Variants in FRMD4A observed in about 807,000 individuals in gnomAD.
FRMD4A encodes the protein FERM domain-containing protein 4A.
FRMD4A carries 29 observed loss-of-function variants against 129.1 expected under a neutral mutation model. That is an observed-to-expected ratio of 0.22 (90% confidence interval 0.17 to 0.31). The LOEUF (loss-of-function observed/expected upper bound fraction) is 0.31. Among genes scored for constraint, FRMD4A ranks in the 10% least tolerant of loss-of-function variants. FRMD4A has a pLI of 1.00. For synonymous variants in FRMD4A, 634 were observed against 571.6 expected (o/e 1.11, Z -1.56); for missense variants, 1,272 against 1,375.8 (o/e 0.92, Z 1.19).
At chr10:13,720,899 A>G (rs1186345955) in intron 12 of FRMD4A, among the ~76,000 whole-genome samples, 1 of 152,254 alleles carries the variant, frequency 6.6e-6, no homozygotes, top group Non-Finnish European at 1.5e-5. Flanking sequence ...GCCCTAAAAA[A>G]GGAATGCAGT....
rs560800269 is a variant in FRMD4A at position 13,819,762 on chromosome 10, C to A, written c.112-8854G>T. ...GCGGGCTGGAGTACAGTGGCACGAT[C>A]TCAGGCTGGAGTGCAGTGGCATGAT... On this transcript the variant is annotated intron_variant, in intron 3 of 24. Transcript: ENST00000357447. Among the ~76,000 whole-genome samples, 10 of 146,404 alleles carry A rather than the reference C, an allele frequency of 6.8e-5. No homozygotes were observed. In the East Asian group the frequency reaches 2.0e-3, roughly 29 times the overall value.
At chr10:14,060,400 TGTTTTGC>T (rs1565220186) in intron 2 of FRMD4A, among the ~76,000 whole-genome samples, 1 of 152,170 alleles carries the variant, frequency 6.6e-6, no homozygotes, top group Non-Finnish European at 1.5e-5. Context: ...ATTACAATCC[TGTTTTGC>T]ATAAGAGAAA....
chr10:14,320,610 C>T (rs892337822), intron 2 of FRMD4A, among the ~76,000 whole-genome samples: 1 of 152,224 alleles, frequency 6.6e-6, no homozygotes, highest in African/African-American at 2.4e-5. Context: ...TTAGTAAATA[C>T]CATACCTTCC....
At chr10:14,044,215 G>T (rs1833894940) in intron 2 of FRMD4A, among the ~76,000 whole-genome samples, 1 of 152,146 alleles carries the variant, frequency 6.6e-6, no homozygotes, top group African/African-American at 2.4e-5. Context: ...TCTCTTTCCT[G>T]TCGCCCCTTT....
At chr10:14,309,125 C>G (rs1023568980) in intron 2 of FRMD4A, among the ~76,000 whole-genome samples, 2 of 152,158 alleles carry the variant, frequency 1.3e-5, no homozygotes, top group African/African-American at 4.8e-5. Flanking sequence ...TCTCAACATG[C>G]AATCACTTTC....
At chr10:14,307,333 G>A (rs1846386906) in intron 2 of FRMD4A, among the ~76,000 whole-genome samples, 1 of 152,216 alleles carries the variant, frequency 6.6e-6, no homozygotes, top group Non-Finnish European at 1.5e-5. Context: ...ATGTCCACAA[G>A]TGAGAACTCA....
At chr10:13,713,929 AAT>A (rs2088369609) in intron 12 of FRMD4A, among the ~76,000 whole-genome samples, 1 of 136,298 alleles carries the variant, frequency 7.3e-6, no homozygotes, top group Non-Finnish European at 1.5e-5. Context: ...ATACATATAT[AAT>A]ATATACATAT....
intron 3 of FRMD4A, among the ~76,000 whole-genome samples, chr10:13,835,581 G>C (rs1474349479): frequency 1.3e-5 from 2 of 152,044 alleles, no homozygotes; most frequent in African/African-American, 2.4e-5. Context: ...ATACTCATAG[G>C]AGTATGAACC....
chr10:13,936,994 G>A (rs1025104026), intron 2 of FRMD4A, among the ~76,000 whole-genome samples: 2 of 152,184 alleles, frequency 1.3e-5, no homozygotes, highest in Middle Eastern at 3.2e-3. Flanking sequence ...TCAGCTGCCA[G>A]GAACAAGGCA....
chr10:14,099,566 G>A (rs11258863), intron 2 of FRMD4A, among the ~76,000 whole-genome samples: 14,732 of 152,050 alleles, frequency 0.097, 1,554 homozygotes, highest in African/African-American at 0.27. Context: ...CTGTTTATAT[G>A]TAGGTTTCAC....
chr10:13,856,544 G>A (rs2094216815), intron 3 of FRMD4A, among the ~76,000 whole-genome samples: 1 of 152,048 alleles, frequency 6.6e-6, no homozygotes, highest in Non-Finnish European at 1.5e-5. Flanking sequence ...CTAGGCGGAG[G>A]GGGTCAGGGA....
chr10:14,318,585 C>T (rs1246615533), intron 2 of FRMD4A, among the ~76,000 whole-genome samples: 1 of 134,936 alleles, frequency 7.4e-6, no homozygotes, highest in East Asian at 2.3e-4. Context: ...AATCGGAAAA[C>T]TCAAAAGGCA....
intron 2 of FRMD4A, among the ~76,000 whole-genome samples, chr10:13,935,000 G>A (rs1184516642): frequency 1.3e-5 from 2 of 152,134 alleles, no homozygotes; most frequent in African/African-American, 2.4e-5. Flanking sequence ...AGAAGGGTAA[G>A]GCGGCTCTCT....
At chr10:13,919,713 G>A (rs1463400435) in intron 2 of FRMD4A, among the ~76,000 whole-genome samples, 5 of 152,056 alleles carry the variant, frequency 3.3e-5, no homozygotes, top group Admixed American at 1.3e-4. Context: ...CGAGGTGGGC[G>A]GATCACTTGA....
intron 2 of FRMD4A, among the ~76,000 whole-genome samples, chr10:14,110,629 T>TAACAAAACAA (rs141263753): frequency 0.052 from 7,761 of 150,640 alleles, 249 homozygotes; most frequent in Non-Finnish European, 0.081. Flanking sequence ...GCTTTCTTGC[T>TAACAAAACAA]AACAAAACAA....
chr10:13,676,713 T>C (rs1442718074), intron 15 of FRMD4A, among the ~76,000 whole-genome samples: 1 of 151,850 alleles, frequency 6.6e-6, no homozygotes, highest in African/African-American at 2.4e-5. Flanking sequence ...GGGAGATTAA[T>C]CTAATTAAAG....
At chr10:13,777,680 G>A (rs1014775518) in intron 6 of FRMD4A, among the ~76,000 whole-genome samples, 4 of 151,946 alleles carry the variant, frequency 2.6e-5, no homozygotes, top group South Asian at 4.2e-4. Flanking sequence ...AGTCCTAGGC[G>A]TGCATGATGT....
chr10:13,749,163 A>G (rs949444306), intron 8 of FRMD4A, among the ~76,000 whole-genome samples: 1 of 152,170 alleles, frequency 6.6e-6, no homozygotes, highest in South Asian at 2.1e-4. Flanking sequence ...ATCCTGGTCC[A>G]CCAAAGAGCC....
intron 2 of FRMD4A, among the ~76,000 whole-genome samples, chr10:13,998,769 C>A (rs186167989): frequency 2.0e-5 from 3 of 152,166 alleles, no homozygotes; most frequent in African/African-American, 7.2e-5. Context: ...CCAGGGTATC[C>A]GCTGGCCTAA....
Sources: gnomAD v4.1 joint callset for allele counts (sites outside exome capture counted in the v4.1 genomes callset) on GRCh38, gnomAD v4.1.1 for gene constraint, MANE v1.5 for transcripts, NCBI Gene and HGNC (gene_info 2026-07-23, HGNC 2026-07-21) for gene names.